The following ARHGAP24 variants were observed in gnomAD, a reference collection of about 807,000 sequenced individuals.
ARHGAP24 encodes the protein Rho GTPase activating protein 24.
A neutral mutation model predicts 76.4 loss-of-function variants in ARHGAP24; 50 were observed. That is an observed-to-expected ratio of 0.65 (90% CI 0.52 to 0.83). The LOEUF (loss-of-function observed/expected upper bound fraction) is 0.83, where lower values mean the gene tolerates loss of function less well. ARHGAP24 is among the 40% of genes least tolerant of loss of function. The probability of loss-of-function intolerance (pLI) is 0.00; values close to 1 mark genes in which losing one functional copy is unlikely to be tolerated. For synonymous variants in ARHGAP24, 345 were observed against 323.3 expected, an observed-to-expected ratio of 1.07 and a Z score of -0.72; for missense variants, 930 against 914.2, an observed-to-expected ratio of 1.02 and a Z score of -0.22.
chr4:85,864,799 T>C (rs1219432468), intron 3 of ARHGAP24, among the ~76,000 whole-genome samples: 1 of 152,092 alleles, frequency 6.6e-6, no homozygotes, highest in Non-Finnish European at 1.5e-5. Context: ...GGAGAGGGAA[T>C]TTATGCAGTT....
chr4:85,649,619 C>T (rs913749877), intron 2 of ARHGAP24, among the ~76,000 whole-genome samples: 3 of 152,110 alleles, frequency 2.0e-5, no homozygotes, highest in East Asian at 1.9e-4. Flanking sequence ...TCAGTATGCC[C>T]GATCCATAGA....
At chr4:85,803,365 C>T (rs1235178861) in intron 3 of ARHGAP24, among the ~76,000 whole-genome samples, 2 of 152,150 alleles carry the variant, frequency 1.3e-5, no homozygotes, top group African/African-American at 4.8e-5. Flanking sequence ...TTGTTCTTAA[C>T]TAAATTAGAG....
chr4:85,900,751 A>G (rs1324505531), intron 3 of ARHGAP24, among the ~76,000 whole-genome samples: 1 of 152,146 alleles, frequency 6.6e-6, no homozygotes, highest in Non-Finnish European at 1.5e-5. Context: ...CGCACCACAA[A>G]GGCAAGGGAT....
At chr4:85,934,877 G>T (rs1736541997) in intron 4 of ARHGAP24, among the ~76,000 whole-genome samples, 2 of 152,092 alleles carry the variant, frequency 1.3e-5, no homozygotes, top group Non-Finnish European at 2.9e-5. Context: ...CCACCTTGAG[G>T]TGCTTTATAC....
At chr4:85,528,749 A>G (rs979612706) in intron 1 of ARHGAP24, among the ~76,000 whole-genome samples, 5 of 152,232 alleles carry the variant, frequency 3.3e-5, no homozygotes, top group African/African-American at 9.6e-5. Flanking sequence ...CTAGATTATT[A>G]TAATTGGACA....
At chr4:85,667,009 A>G (rs1367691127) in intron 2 of ARHGAP24, among the ~76,000 whole-genome samples, 1 of 152,166 alleles carries the variant, frequency 6.6e-6, no homozygotes, top group Admixed American at 6.5e-5. Context: ...TGCTGGGAGA[A>G]CCACTGCTCT....
chr4:85,978,750 A>C (rs1560761106), intron 8 of ARHGAP24, among the ~76,000 whole-genome samples: 1 of 152,112 alleles, frequency 6.6e-6, no homozygotes, highest in East Asian at 1.9e-4. Flanking sequence ...TATATAAAAC[A>C]AGTCCTCTAC....
intron 2 of ARHGAP24, among the ~76,000 whole-genome samples, chr4:85,674,473 T>C (rs974345081): frequency 2.0e-5 from 3 of 152,218 alleles, no homozygotes; most frequent in African/African-American, 4.8e-5. Context: ...GCAACATCAA[T>C]CTTTAAATCA....
intron 3 of ARHGAP24, among the ~76,000 whole-genome samples, chr4:85,823,627 A>G (rs990535684): frequency 2.6e-5 from 4 of 152,140 alleles, no homozygotes; most frequent in Non-Finnish European, 5.9e-5. Context: ...GAGCCACCTG[A>G]CTAAAATGGC....
chr4:85,496,940 G>A (rs1723606861), intron 1 of ARHGAP24, among the ~76,000 whole-genome samples: 1 of 152,186 alleles, frequency 6.6e-6, no homozygotes, highest in African/African-American at 2.4e-5. Flanking sequence ...ATTTTGTGAT[G>A]TTTACAAGTG....
chr4:85,923,873 G>A, intron 4 of ARHGAP24, 103 bp downstream of exon 4: 1 of 1,523,056 alleles, frequency 6.6e-7, no homozygotes, highest in East Asian at 2.3e-5. Flanking sequence ...TCAAGTGGGT[G>A]AATGTTAAAA....
At chr4:85,507,980 G>A (rs546042462) in intron 1 of ARHGAP24, among the ~76,000 whole-genome samples, 1 of 151,392 alleles carries the variant, frequency 6.6e-6, no homozygotes, top group Non-Finnish European at 1.5e-5. Flanking sequence ...TTGCTGTCTC[G>A]GCCTATGAAT....
chr4:85,664,120 G>A (rs377752401), intron 2 of ARHGAP24, among the ~76,000 whole-genome samples: 31 of 151,376 alleles, frequency 2.0e-4, no homozygotes, highest in South Asian at 1.7e-3. Context: ...GGTAGAATTC[G>A]GCTGTGAATC....
chr4:85,888,099 C>T (rs951388262), intron 3 of ARHGAP24, among the ~76,000 whole-genome samples: 1 of 151,932 alleles, frequency 6.6e-6, no homozygotes, highest in Admixed American at 6.6e-5. Context: ...TGGTAACTCT[C>T]GATTTAAGAA....
rs549427173 is a variant in ARHGAP24 at position 85,909,876 on chromosome 4, C to G, written c.269-13772C>G. Among the ~76,000 whole-genome samples, 19 of 152,312 alleles carry G rather than the reference C, an allele frequency of 1.2e-4. No individual in the cohort carries two copies. The South Asian group carries it at 3.9e-3, about 32-fold the overall frequency. On this transcript the variant is annotated intron_variant, in intron 3 of 9. Coordinates refer to ENST00000395184, the MANE Select transcript of ARHGAP24 (RefSeq NM_001025616.3). ...GGGGTGTCCCTTTTCTGGCCTGAAACCTCTGGCCAGTGGCACCTTTGCCTG... is the reference window on the plus strand; with the variant it reads ...GGGGTGTCCCTTTTCTGGCCTGAAAGCTCTGGCCAGTGGCACCTTTGCCTG...
chr4:85,679,049 T>C (rs1289889523), intron 2 of ARHGAP24, among the ~76,000 whole-genome samples: 1 of 152,144 alleles, frequency 6.6e-6, no homozygotes, highest in African/African-American at 2.4e-5. Context: ...AAAGGCAAGA[T>C]GGTTGACACT....
At chr4:85,733,059 A>ATTTTTTTTTTTTTT (rs1560606971) in intron 3 of ARHGAP24, among the ~76,000 whole-genome samples, 1 of 35,772 alleles carries the variant, frequency 2.8e-5, no homozygotes, top group African/African-American at 7.0e-5. Flanking sequence ...GGCCTCACCA[A>ATTTTTTTTTTTTTT]CTTTTTTTTT....
At chr4:85,977,228 T>C (rs1031851428) in intron 7 of ARHGAP24, among the ~76,000 whole-genome samples, 2 of 152,200 alleles carry the variant, frequency 1.3e-5, no homozygotes, top group Non-Finnish European at 2.9e-5. Context: ...AATAGAGATA[T>C]AAAATTATTA....
intron 3 of ARHGAP24, among the ~76,000 whole-genome samples, chr4:85,875,905 G>A (rs1194527521): frequency 6.6e-5 from 10 of 151,168 alleles, no homozygotes; most frequent in Admixed American, 6.0e-4. Context: ...ATCATGCCTA[G>A]CTAATTTTTT....
Sources: gnomAD v4.1 joint callset for allele counts (sites outside exome capture counted in the v4.1 genomes callset) on GRCh38, gnomAD v4.1.1 for gene constraint, MANE v1.5 for transcripts, NCBI Gene and HGNC (gene_info 2026-07-23, HGNC 2026-07-21) for gene names.